Variants in MBP observed in about 807,000 individuals in gnomAD.
MBP encodes myelin basic protein.
MBP carries 16 observed loss-of-function variants against 35.8 expected under a neutral mutation model. The ratio of observed to expected loss-of-function variants is 0.45; its 90% confidence interval spans 0.30 to 0.68. MBP has a LOEUF of 0.68. Among genes scored for constraint, MBP ranks in the 30% least tolerant of loss-of-function variants. The pLI is 0.08. For missense variants in MBP, 380 were observed against 404.7 expected (o/e 0.94, Z 0.52); for synonymous variants, 143 against 159.6 (o/e 0.90, Z 0.78).
intron 4 of MBP, among the ~76,000 whole-genome samples, chr18:76,998,919 A>G (rs1970477880): frequency 6.6e-6 from 1 of 152,052 alleles, no homozygotes; most frequent in African/African-American, 2.4e-5. Flanking sequence ...CCAGTGGTGC[A>G]GGAAATGTGA....
chr18:77,023,194 C>A (rs148236641), intron 3 of MBP, among the ~76,000 whole-genome samples: 1 of 152,110 alleles, frequency 6.6e-6, no homozygotes, highest in Non-Finnish European at 1.5e-5. Flanking sequence ...GTTTCTGAGG[C>A]ACAGAAATGC....
Position 77,013,475 on chromosome 18 carries a change from A to G in MBP, c.576+3357T>C, listed in dbSNP as rs1019296974. On this transcript the variant is annotated intron_variant, in intron 4 of 8. Coordinates refer to ENST00000355994, the MANE Select transcript of MBP (RefSeq NM_001025101.2). ...AATTAGGTTACTGTAGAACTAAAAT[A>G]TGTTTAATGAAATTAAAATGCAATG... The G allele has an allele frequency of 1.2e-5, 12 of 985,224 alleles. No homozygotes were observed. In the African/African-American group the frequency reaches 1.7e-4, roughly 14 times the overall value. The allele number at this position is 985,224 out of a possible 1,614,324, so 61.0% of individuals were successfully genotyped here. A position where few individuals can be genotyped will look rare whatever the true frequency, so the allele number is the denominator to read the frequency against.
At chr18:76,987,171 G>A (rs575938793) in intron 7 of MBP, 26 of 985,432 alleles carry the variant, frequency 2.6e-5, no homozygotes, top group Middle Eastern at 5.2e-4. Context: ...GGGAGGATCC[G>A]GCACGACGGC....
intron 3 of MBP, among the ~76,000 whole-genome samples, chr18:77,059,475 C>G (rs1568318096): frequency 6.6e-6 from 1 of 150,632 alleles, no homozygotes; most frequent in East Asian, 1.9e-4. Flanking sequence ...AAAGTAGTCA[C>G]TAATTATTTA....
At chr18:77,065,995 C>A in intron 3 of MBP, 1 of 288,250 alleles carries the variant, frequency 3.5e-6, no homozygotes. Context: ...GTATCTGGGG[C>A]CACGGGTGCA....
chr18:77,116,154 G>A (rs933338661), intron 1 of MBP, among the ~76,000 whole-genome samples: 1 of 151,490 alleles, frequency 6.6e-6, no homozygotes, highest in East Asian at 1.9e-4. Flanking sequence ...CTTCACATGA[G>A]TGTGCAGCAC....
chr18:77,015,354 G>A, intron 4 of MBP: 1 of 985,314 alleles, frequency 1.0e-6, no homozygotes, highest in Non-Finnish European at 1.2e-6. Flanking sequence ...TTACATAATA[G>A]CAACGCTTTA....
intron 1 of MBP, among the ~76,000 whole-genome samples, chr18:77,129,755 C>T (rs544306920): frequency 2.6e-5 from 4 of 152,252 alleles, no homozygotes; most frequent in Non-Finnish European, 4.4e-5. Context: ...AGAGGCCAGG[C>T]GCGGTGGCTC....
At chr18:77,033,766 C>T (rs542251217) in intron 3 of MBP, among the ~76,000 whole-genome samples, 1 of 108,850 alleles carries the variant, frequency 9.2e-6, no homozygotes, top group African/African-American at 4.9e-5. Context: ...ACCCATCCAT[C>T]CATCCATCCA....
At chr18:77,113,762 G>A (rs77289940) in intron 1 of MBP, 3,610 of 152,606 alleles carry the variant, frequency 0.024, 63 homozygotes, top group South Asian at 0.075. Flanking sequence ...CTTAGACCAC[G>A]CACACAGACA....
In MBP at chr18:77,029,735, AT is replaced by A. The variant is rs562741721; in HGVS notation, c.140-12468del. ...AGTTAGGTTTAAAGCCCAGAGTACA[AT>A]TTTGGTTAGTTTTGAGTGTTCTATG... On this transcript the variant is annotated intron_variant, in intron 3 of 8. Transcript: ENST00000355994. Among the ~76,000 whole-genome samples, 13 of 152,142 alleles carry A rather than the reference AT, an allele frequency of 8.5e-5. No homozygotes were observed. In the East Asian group the frequency reaches 2.5e-3, roughly 29 times the overall value.
intron 1 of MBP, among the ~76,000 whole-genome samples, chr18:77,128,954 A>C (rs991756179): frequency 2.0e-5 from 3 of 152,200 alleles, no homozygotes; most frequent in African/African-American, 7.2e-5. Context: ...TGGTATAGTC[A>C]CAATTTAAAT....
chr18:77,131,042 CA>C lies in MBP; in HGVS notation c.-26+1537del. On this transcript the variant is annotated intron_variant, in intron 1 of 8. Coordinates refer to ENST00000355994, the MANE Select transcript of MBP (RefSeq NM_001025101.2). The surrounding 1 kb of genome is among the most constrained non-coding windows in gnomAD (Gnocchi z 5.5). ...TTTTCCCACAAAAAAAAAAAAAAAACAAAACCTCAAAAAACAAAACACACAC... is the reference window on the plus strand; with the variant it reads ...TTTTCCCACAAAAAAAAAAAAAAAACAAACCTCAAAAAACAAAACACACAC... Among the ~76,000 whole-genome samples the C allele has an allele frequency of 8.6e-6, 1 of 116,072 alleles. No homozygotes were observed. The highest frequency in any genetic ancestry group is 1.8e-5 in the Non-Finnish European group (1 of 55,260). The allele number at this position is 116,072 out of a possible 152,430, so 76.1% of individuals were successfully genotyped here.
At chr18:77,088,089 G>A (rs1013950651) in intron 2 of MBP, among the ~76,000 whole-genome samples, 1 of 152,180 alleles carries the variant, frequency 6.6e-6, no homozygotes, top group Admixed American at 6.5e-5. Context: ...CTCGCCCACA[G>A]CAGAGACCCT....
At chr18:76,986,196 G>A in intron 7 of MBP, 1 of 985,514 alleles carries the variant, frequency 1.0e-6, no homozygotes. Flanking sequence ...CTACTCAATG[G>A]ACAGGGTCCA....
chr18:76,995,469 G>A (rs932610092), intron 4 of MBP, among the ~76,000 whole-genome samples: 1 of 152,170 alleles, frequency 6.6e-6, no homozygotes, highest in Non-Finnish European at 1.5e-5. Context: ...AAGACCTGTG[G>A]TGCTAGAGGA....
chr18:77,099,645 C>T (rs1297935332), intron 2 of MBP, among the ~76,000 whole-genome samples: 3 of 152,218 alleles, frequency 2.0e-5, no homozygotes, highest in South Asian at 2.1e-4. Context: ...TACCTGGCCT[C>T]GGGCAGGCCC....
Position 76,980,099 on chromosome 18 carries a change from A to G in MBP, c.*328T>C. 1 of 696,156 alleles carries G rather than the reference A, an allele frequency of 1.4e-6. No homozygotes were observed. Among genetic ancestry groups the G allele is most frequent in the Admixed American group, 2.0e-5 (1 of 48,798 alleles). 43.1% of individuals were successfully genotyped at this position (696,156 alleles called of 1,614,324 possible). The stretch of plus-strand genomic sequence containing the variant: ...CGCAGCCACGGCGAAAAGAAAGTCC[A>G]AGGGTGGAGGGGTGAACGTGGAGGG... On this transcript the variant is annotated 3_prime_UTR_variant, in exon 9 of 9. Transcript: ENST00000355994.
In MBP at chr18:77,080,155, A is replaced by T. The variant is rs577689853; in HGVS notation, c.52-13770T>A. ...ATTGGTCAGCATTTTTTGTTTCTTT[A>T]AAAAAAAATCATAGTTTTATTCTTG... On this transcript the variant is annotated intron_variant, in intron 2 of 8. Transcript: ENST00000355994. Among the ~76,000 whole-genome samples the T allele has an allele frequency of 3.3e-5, 5 of 151,194 alleles. No individual in the cohort carries two copies. The South Asian group carries it at 6.2e-4, about 19-fold the overall frequency.
Sources: gnomAD v4.1 joint callset for allele counts (sites outside exome capture counted in the v4.1 genomes callset) on GRCh38, gnomAD v4.1.1 for gene constraint, Gnocchi (gnomAD v3.1) non-coding constraint, MANE v1.5 for transcripts, NCBI Gene and HGNC (gene_info 2026-07-23, HGNC 2026-07-21) for gene names.